KLHL3: variants seen among roughly 807,000 people sequenced by gnomAD.
The protein encoded by KLHL3 is kelch-like protein 3.
A neutral mutation model predicts 70.5 loss-of-function variants in KLHL3; 19 were observed. That is an observed-to-expected ratio of 0.27 (90% CI 0.19 to 0.40). The LOEUF is 0.40. Ranked by LOEUF, KLHL3 falls within the 10% of genes least tolerant of loss-of-function variation. KLHL3 has a pLI of 1.00. For synonymous variants in KLHL3, 258 were observed against 290.3 expected (o/e 0.89, Z 1.13); for missense variants, 512 against 771.1 (o/e 0.66, Z 3.98).
chr5:137,647,706 C>T, intron 8 of KLHL3: 2 of 414,854 alleles, frequency 4.8e-6, no homozygotes, highest in South Asian at 3.5e-5. Flanking sequence ...CTTGTCCAAG[C>T]AGGTTCCTGA....
intron 1 of KLHL3, among the ~76,000 whole-genome samples, chr5:137,723,926 A>T (rs1027878623): frequency 1.3e-5 from 2 of 152,256 alleles, no homozygotes; most frequent in African/African-American, 4.8e-5. Context: ...TCATAAAGTA[A>T]TGCTAAATTT....
chr5:137,720,313 A>G (rs1283330369), intron 2 of KLHL3, 152 bp downstream of exon 2: 5 of 875,920 alleles, frequency 5.7e-6, no homozygotes, highest in East Asian at 2.7e-5. Context: ...AAAAAAAAAA[A>G]GAGAGAAAGA....
chr5:137,651,689 T>A (rs1431576589), intron 8 of KLHL3, among the ~76,000 whole-genome samples: 1 of 152,138 alleles, frequency 6.6e-6, no homozygotes, highest in Non-Finnish European at 1.5e-5. Flanking sequence ...CCCTACAAGC[T>A]TTTTTGTAGA....
At chr5:137,627,054 G>A (rs1750483659) in intron 13 of KLHL3, among the ~76,000 whole-genome samples, 1 of 151,804 alleles carries the variant, frequency 6.6e-6, no homozygotes. Flanking sequence ...TTAAATGTGT[G>A]TACTAATTTA....
At position 137,722,825 on chromosome 5, in the gene KLHL3, A is replaced by G. The variant is rs538936351; in HGVS notation, c.15-2241T>C. On this transcript the variant is annotated intron_variant, in intron 1 of 14. Coordinates refer to ENST00000309755, the MANE Select transcript of KLHL3 (RefSeq NM_017415.3). ...GGGATTACAGGCGTGCACCACCACAACCGGCTAATTTTTGTATTTTTAGTA... is the reference window on the plus strand; with the variant it reads ...GGGATTACAGGCGTGCACCACCACAGCCGGCTAATTTTTGTATTTTTAGTA... Among the ~76,000 whole-genome samples the G allele has an allele frequency of 1.1e-4, 17 of 151,944 alleles. No homozygotes were observed. In the East Asian group the frequency reaches 2.7e-3, roughly 24 times the overall value.
intron 8 of KLHL3, among the ~76,000 whole-genome samples, chr5:137,646,943 A>G (rs1751063714): frequency 6.6e-6 from 1 of 152,204 alleles, no homozygotes; most frequent in Non-Finnish European, 1.5e-5. Context: ...CAGCATACTT[A>G]GGAGTTTGGC....
chr5:137,662,091 T>A (rs200289481), intron 6 of KLHL3, 60 bp from the exon 7 acceptor site: 74 of 505,894 alleles, frequency 1.5e-4, no homozygotes, highest in South Asian at 1.8e-4. Flanking sequence ...CAAACAACCC[T>A]CAATCTGTAA....
intron 8 of KLHL3, among the ~76,000 whole-genome samples, chr5:137,652,637 G>A (rs1751230662): frequency 6.6e-6 from 1 of 152,220 alleles, no homozygotes. Flanking sequence ...GTAGAGAATA[G>A]AATGGTGGTT....
chr5:137,725,890 C>T (rs1197828992), intron 1 of KLHL3, among the ~76,000 whole-genome samples: 1 of 152,182 alleles, frequency 6.6e-6, no homozygotes, highest in African/African-American at 2.4e-5. Flanking sequence ...CTCACAGATA[C>T]CCACTGACCC....
At chr5:137,671,610 C>T (rs1322824458) in intron 6 of KLHL3, among the ~76,000 whole-genome samples, 1 of 152,132 alleles carries the variant, frequency 6.6e-6, no homozygotes, top group Admixed American at 6.5e-5. Context: ...TTAGTTTCTT[C>T]GTCTGCAAAA....
At chr5:137,708,227 T>A (rs1752722533) in intron 3 of KLHL3, among the ~76,000 whole-genome samples, 1 of 152,116 alleles carries the variant, frequency 6.6e-6, no homozygotes, top group African/African-American at 2.4e-5. Flanking sequence ...TTGAGACCAG[T>A]TCCTTCACAT....
intron 8 of KLHL3, among the ~76,000 whole-genome samples, chr5:137,644,629 C>T (rs1030987353): frequency 6.6e-6 from 1 of 152,044 alleles, no homozygotes; most frequent in African/African-American, 2.4e-5. Flanking sequence ...AAACAGAAAA[C>T]CCAAACAGAC....
Position 137,698,347 on chromosome 5 carries a change from C to G in KLHL3, c.303G>C (p.Leu101=). ...TATAGATGTAGTCAATCAGCTTACT[C>G]AGCGTCTGCCCATCCACGTCCTTGA... ...IEIKDVDGQT[L]SKLIDYIYTA... The change falls in exon 4 of 15, where the codon CTG becomes CTC. Residue 101 remains leucine, a synonymous_variant. Transcript: ENST00000309755. 2 of 1,614,194 alleles carry G rather than the reference C, an allele frequency of 1.2e-6. No individual in the cohort carries two copies. The highest frequency in any genetic ancestry group is 1.7e-6 in the Non-Finnish European group (2 of 1,180,014).
chr5:137,640,361 G>A (rs1750883175), intron 8 of KLHL3, among the ~76,000 whole-genome samples: 1 of 152,184 alleles, frequency 6.6e-6, no homozygotes, highest in Non-Finnish European at 1.5e-5. Context: ...TTGGACGTAT[G>A]TTTTAAAGTA....
intron 5 of KLHL3, among the ~76,000 whole-genome samples, chr5:137,686,432 T>C (rs1324387409): frequency 1.3e-5 from 2 of 152,212 alleles, no homozygotes; most frequent in Admixed American, 6.5e-5. Flanking sequence ...ACTCCCATGA[T>C]AGAGAGAAGA....
chr5:137,634,582 G>C (rs1750722383), intron 11 of KLHL3, among the ~76,000 whole-genome samples: 1 of 152,200 alleles, frequency 6.6e-6, no homozygotes, highest in Non-Finnish European at 1.5e-5. Flanking sequence ...CTAAAGGCTT[G>C]ACATAGCAGA....
chr5:137,620,181 TC>T lies in KLHL3; in HGVS notation c.*1916del, dbSNP rs986564285. The T allele has an allele frequency of 1.3e-5, 2 of 152,150 alleles. No homozygotes were observed. The highest frequency in any genetic ancestry group is 4.8e-5 in the African/African-American group (2 of 41,410). The allele number at this position is 152,150 out of a possible 1,614,324, so 9.4% of individuals were successfully genotyped here. ...TTCCTTTGGAGACATTTCTTCCAGG[TC>T]CCCCAAAGCTGGATATTTTAGCCTC... On this transcript the variant is annotated 3_prime_UTR_variant, in exon 15 of 15. Transcript: ENST00000309755.
chr5:137,734,922 T>G (rs1463426746), intron 1 of KLHL3, among the ~76,000 whole-genome samples: 1 of 152,230 alleles, frequency 6.6e-6, no homozygotes, highest in Non-Finnish European at 1.5e-5. Context: ...TCTAACTGCC[T>G]CGCTAGTTAG....
intron 5 of KLHL3, among the ~76,000 whole-genome samples, chr5:137,684,508 G>C (rs1194910049): frequency 2.6e-5 from 4 of 152,076 alleles, no homozygotes; most frequent in African/African-American, 9.7e-5. Context: ...AAATCCAATG[G>C]CTTTTCCATC....
Sources: allele counts gnomAD v4.1 joint callset (sites outside exome capture counted in the v4.1 genomes callset), GRCh38; gene constraint gnomAD v4.1.1; transcripts MANE v1.5; gene names NCBI Gene and HGNC (gene_info 2026-07-23, HGNC 2026-07-21).